HDLBP: variants seen among roughly 807,000 people sequenced by gnomAD.
HDLBP encodes high density lipoprotein binding protein.
HDLBP carries 30 observed loss-of-function variants against 137.3 expected under a neutral mutation model. That is an observed-to-expected ratio of 0.22 (90% CI 0.16 to 0.30). The LOEUF is 0.30. Ranked by LOEUF, HDLBP falls within the 10% of genes least tolerant of loss-of-function variation. HDLBP has a pLI of 1.00. For missense variants in HDLBP, 1,119 were observed against 1,667.3 expected (o/e 0.67, Z 5.73); for synonymous variants, 606 against 596.0 (o/e 1.02, Z -0.24).
intron 5 of HDLBP, among the ~76,000 whole-genome samples, chr2:241,261,650 A>G (rs1406790958): frequency 6.6e-6 from 1 of 152,224 alleles, no homozygotes; most frequent in Admixed American, 6.5e-5. Context: ...TTCAGAGCCT[A>G]TTATGCACTG....
chr2:241,274,611 C>T (rs2074324516), intron 1 of HDLBP, among the ~76,000 whole-genome samples: 1 of 152,148 alleles, frequency 6.6e-6, no homozygotes, highest in Non-Finnish European at 1.5e-5. Flanking sequence ...GGCACAGTAC[C>T]TAGTACACAG....
chr2:241,279,242 G>A (rs1041955226), intron 1 of HDLBP, among the ~76,000 whole-genome samples: 1 of 152,128 alleles, frequency 6.6e-6, no homozygotes, highest in Admixed American at 6.5e-5. Flanking sequence ...AGGTATGTGT[G>A]TGTATGGAAT....
chr2:241,260,468 C>T (rs2073062609), intron 5 of HDLBP, among the ~76,000 whole-genome samples: 1 of 151,948 alleles, frequency 6.6e-6, no homozygotes, highest in South Asian at 2.1e-4. Flanking sequence ...ACACTGAAGT[C>T]GCCGGAGCGC....
chr2:241,300,801 C>T (rs936899254), intron 1 of HDLBP, among the ~76,000 whole-genome samples: 11 of 152,104 alleles, frequency 7.2e-5, no homozygotes, highest in Admixed American at 1.3e-4. Flanking sequence ...CTGCTGAGCT[C>T]GTTGTGCAGA....
At chr2:241,305,569 T>C (rs1238646927) in intron 1 of HDLBP, among the ~76,000 whole-genome samples, 1 of 152,180 alleles carries the variant, frequency 6.6e-6, no homozygotes, top group Non-Finnish European at 1.5e-5. Flanking sequence ...GGGGCTGCCC[T>C]GTGTACCACA....
chr2:241,235,178 C>G lies in HDLBP; in HGVS notation c.3087G>C (p.Arg1029=), dbSNP rs770247357. Residue 1029 remains arginine (R), a synonymous_variant, in exon 23 of 28, where the codon CGG becomes CGC. Transcript: ENST00000310931. ...AITGLAANLD[R]AKAGLLERVK... is the part of the protein sequence containing the mutation. ...CACGCTCCAGCAGTCCAGCCTTGGC[C>G]CGGTCCAAATTTGCAGCGAGGCCCG... 1.1e-5 allele frequency: 17 copies of G among 1,614,054 alleles called. No homozygotes were observed. The Admixed American group carries it at 2.2e-4, about 21-fold the overall frequency.
At chr2:241,281,105 C>T (rs1352460105) in intron 1 of HDLBP, among the ~76,000 whole-genome samples, 1 of 152,306 alleles carries the variant, frequency 6.6e-6, no homozygotes, top group East Asian at 1.9e-4. Flanking sequence ...CCTGTAATCC[C>T]AGCACTTTGG....
chr2:241,263,694 A>C (rs866463642), intron 4 of HDLBP, among the ~76,000 whole-genome samples: 1 of 152,206 alleles, frequency 6.6e-6, no homozygotes, highest in Non-Finnish European at 1.5e-5. Flanking sequence ...AATTTATATA[A>C]AAGTTTTGAA....
chr2:241,272,701 AGCCCGCCCGCCCCGTCC>A lies in HDLBP; in HGVS notation c.-102-4177_-102-4161del, dbSNP rs1362731064. 254 of 583,094 alleles carry A rather than the reference AGCCCGCCCGCCCCGTCC, an allele frequency of 4.4e-4. No individual in the cohort carries two copies. Among genetic ancestry groups the A allele is most frequent in the Admixed American group, 3.1e-3 (17 of 5,512 alleles). The allele number at this position is 583,094 out of a possible 1,614,324, so 36.1% of individuals were successfully genotyped here. A position where few individuals can be genotyped will look rare whatever the true frequency, so the allele number is the denominator to read the frequency against. The stretch of plus-strand genomic sequence containing the variant: ...GCCACCCCCCACCCCCCCGCCCGGC[AGCCCGCCCGCCCCGTCC>A]GCCCGCCCGCCCAGGCCTCCCAGCC... On this transcript the variant is annotated intron_variant, in intron 1 of 27. Coordinates refer to ENST00000310931, the MANE Select transcript of HDLBP (RefSeq NM_005336.6). This position sits in a 1 kb window ranked among gnomAD's most constrained non-coding sequence, Gnocchi z 5.6.
chr2:241,256,363 C>G lies in HDLBP; in HGVS notation c.694G>C (p.Ala232Pro), dbSNP rs755621726. 1 of 1,613,126 alleles carries G rather than the reference C, an allele frequency of 6.2e-7. No homozygotes were observed. The highest frequency in any genetic ancestry group is 8.5e-7 in the Non-Finnish European group (1 of 1,179,336). Reference sequence around the variant, plus strand: ...GGCCCAGCGATGAAGGGGTGGAATGCCTTTTCTACTTCTAGCCTCTCCACA... The same window carrying G: ...GGCCCAGCGATGAAGGGGTGGAATGGCTTTTCTACTTCTAGCCTCTCCACA... ...RAVERLEVEK[A>P]FHPFIAGPYN... Residue 232 changes from alanine (A) to proline (P), a missense_variant, in exon 7 of 28, where the codon GCA becomes CCA. By Grantham distance (27) the Ala-to-Pro change is conservative (BLOSUM62 -1). Coordinates refer to ENST00000310931, the MANE Select transcript of HDLBP (RefSeq NM_005336.6).
At chr2:241,308,093 T>G (rs2075638076) in intron 1 of HDLBP, among the ~76,000 whole-genome samples, 1 of 152,202 alleles carries the variant, frequency 6.6e-6, no homozygotes, top group Non-Finnish European at 1.5e-5. Context: ...TCTTCTCCTT[T>G]GAGGACAACT....
At chr2:241,245,368 G>C (rs1414492369) in intron 16 of HDLBP, among the ~76,000 whole-genome samples, 1 of 152,092 alleles carries the variant, frequency 6.6e-6, no homozygotes, top group Non-Finnish European at 1.5e-5. Context: ...TGTAGTTTTA[G>C]TAGTGACGGG....
At chr2:241,265,333 G>A (rs529125751) in intron 3 of HDLBP, among the ~76,000 whole-genome samples, 117 of 152,256 alleles carry the variant, frequency 7.7e-4, no homozygotes, top group African/African-American at 2.0e-3. Flanking sequence ...CAGAACAATC[G>A]CTTGAACCCG....
At chr2:241,313,841 G>A (rs978280526) in intron 1 of HDLBP, among the ~76,000 whole-genome samples, 4 of 152,152 alleles carry the variant, frequency 2.6e-5, no homozygotes, top group East Asian at 1.9e-4. Flanking sequence ...TGGCGCTGAG[G>A]GACGTGATAT....
rs765512312 is a variant in HDLBP, at chr2:241,264,433, G to C, written c.234+15C>G. On this transcript the variant is annotated intron_variant, in intron 4 of 27. Coordinates refer to ENST00000310931, the MANE Select transcript of HDLBP (RefSeq NM_005336.6). ...TACATGATAAAATTTTTAAAAGAAAGAATGGTGTTTCTACCTGAGTGATGA... is the reference window on the plus strand; with the variant it reads ...TACATGATAAAATTTTTAAAAGAAACAATGGTGTTTCTACCTGAGTGATGA... The C allele has an allele frequency of 1.9e-6, 3 of 1,550,276 alleles. No individual in the cohort carries two copies. Among genetic ancestry groups the C allele is most frequent in the South Asian group, 1.2e-5 (1 of 84,022 alleles).
rs1292446576 is a variant in HDLBP at position 241,229,487 on chromosome 2, G to C, written c.*114C>G. The C allele has an allele frequency of 2.6e-6, 2 of 770,314 alleles. No individual in the cohort carries two copies. Among genetic ancestry groups the C allele is most frequent in the Non-Finnish European group, 4.3e-6 (2 of 467,250 alleles). The allele number at this position is 770,314 out of a possible 1,614,324, so 47.7% of individuals were successfully genotyped here. On this transcript the variant is annotated 3_prime_UTR_variant, in exon 28 of 28. Transcript: ENST00000310931. ...GGCTCCCTGCGGGACCTCGGGAAGG[G>C]GGAAGAGCGTCAACAATTTACGGAG... is the stretch of plus-strand genomic sequence containing the variant.
At chr2:241,252,409 G>A (rs745626920) in intron 11 of HDLBP, among the ~76,000 whole-genome samples, 33 of 152,162 alleles carry the variant, frequency 2.2e-4, no homozygotes, top group Admixed American at 7.2e-4. Context: ...GGCTGAAGCT[G>A]GAGAATTGCT....
At chr2:241,248,173 AT>A (rs1212959345) in intron 13 of HDLBP, 57 bp from the exon 14 acceptor site, 23 of 1,552,138 alleles carry the variant, frequency 1.5e-5, no homozygotes, top group Non-Finnish European at 2.0e-5. Context: ...TATATCCCAA[AT>A]ATCAAATATT....
chr2:241,266,883 C>T lies in HDLBP; in HGVS notation c.-14G>A. The T allele has an allele frequency of 1.2e-6, 2 of 1,613,844 alleles. No homozygotes were observed. The highest frequency in any genetic ancestry group is 1.7e-6 in the Non-Finnish European group (2 of 1,179,710). ...AACGGAACTCATGGTTGATCTCACA[C>T]CTACACACAATCCGGGAAAACCACT... On this transcript the variant is annotated 5_prime_UTR_variant, in exon 3 of 28. The change creates a new upstream start codon in the 5' untranslated region. Coordinates refer to ENST00000310931, the MANE Select transcript of HDLBP (RefSeq NM_005336.6).
Sources: allele counts gnomAD v4.1 joint callset (sites outside exome capture counted in the v4.1 genomes callset), GRCh38; gene constraint gnomAD v4.1.1; non-coding constraint Gnocchi (gnomAD v3.1); transcripts MANE v1.5; gene names NCBI Gene and HGNC (gene_info 2026-07-23, HGNC 2026-07-21).